Variants in ME3 observed in about 807,000 individuals in gnomAD.
ME3 encodes malic enzyme 3.
In ME3, 48 loss-of-function variants were observed where a neutral mutation model predicts 68.9. That is an observed-to-expected ratio of 0.70 (90% CI 0.55 to 0.89). ME3 has a LOEUF of 0.89. Ranked by LOEUF, ME3 falls within the 40% of genes least tolerant of loss-of-function variation. The probability of loss-of-function intolerance (pLI) is 0.00; values close to 1 mark genes in which losing one functional copy is unlikely to be tolerated. For missense variants in ME3, 675 were observed against 797.4 expected, an observed-to-expected ratio of 0.85 and a Z score of 1.85; for synonymous variants, 320 against 318.8, an observed-to-expected ratio of 1.00 and a Z score of -0.04.
In ME3 at chr11:86,525,862, C is replaced by CA. The variant is rs774590648; in HGVS notation, c.468-16996dup. Among the ~76,000 whole-genome samples the CA allele has an allele frequency of 5.1e-3, 526 of 102,592 alleles. 8 individuals carry two copies. The highest frequency in any genetic ancestry group is 0.045 in the South Asian group (134 of 2,974). The allele number at this position is 102,592 out of a possible 152,430, so 67.3% of individuals were successfully genotyped here. ...GGGCAACAAGGGCAAAACTCTGTCT[C>CA]AAAAAAAAAAAAAAAAAGGAGAGGG... On this transcript the variant is annotated intron_variant, in intron 4 of 14. Coordinates refer to ENST00000543262, the Ensembl canonical transcript of ME3.
chr11:86,556,745 C>A (rs1956950485), intron 3 of ME3, 43 bp from the exon 4 acceptor site: 5 of 1,600,302 alleles, frequency 3.1e-6, no homozygotes, highest in Non-Finnish European at 3.4e-6. Flanking sequence ...GTGGTAGCAG[C>A]AGGCCCTGAT....
intron 2 of ME3, among the ~76,000 whole-genome samples, chr11:86,656,028 G>A (rs2135461429): frequency 1.3e-5 from 2 of 151,518 alleles, no homozygotes; most frequent in South Asian, 2.1e-4. Flanking sequence ...TCAGAGAAAT[G>A]CAAATCAAAA....
chr11:86,504,515 C>T (rs540615377), intron 5 of ME3, among the ~76,000 whole-genome samples: 13 of 151,298 alleles, frequency 8.6e-5, no homozygotes, highest in South Asian at 2.1e-4. Flanking sequence ...CTCAGCCTCC[C>T]GAGAAGCTGG....
At chr11:86,617,045 G>GTTTT (rs563738961) in intron 2 of ME3, among the ~76,000 whole-genome samples, 1,122 of 56,294 alleles carry the variant, frequency 0.02, 207 homozygotes, top group South Asian at 0.041. Flanking sequence ...CAAGATAGTA[G>GTTTT]TTTTTTTTTT....
At chr11:86,473,666 C>T (rs1950903945) in intron 7 of ME3, among the ~76,000 whole-genome samples, 1 of 152,172 alleles carries the variant, frequency 6.6e-6, no homozygotes, top group Non-Finnish European at 1.5e-5. Flanking sequence ...CACAGCACAA[C>T]TCTGCCACAG....
intron 2 of ME3, among the ~76,000 whole-genome samples, chr11:86,581,561 T>C (rs1395723846): frequency 1.3e-5 from 2 of 152,218 alleles, no homozygotes. Flanking sequence ...GTGAAGCAGT[T>C]TGGGTAAAAA....
At chr11:86,446,062 C>G (rs560113500) in intron 13 of ME3, among the ~76,000 whole-genome samples, 1 of 152,170 alleles carries the variant, frequency 6.6e-6, no homozygotes, top group South Asian at 2.1e-4. Flanking sequence ...TGAGGCATGT[C>G]TCCTCCTCTG....
chr11:86,480,303 G>A (rs1276540708), intron 7 of ME3, among the ~76,000 whole-genome samples: 2 of 152,202 alleles, frequency 1.3e-5, no homozygotes, highest in African/African-American at 2.4e-5. Context: ...CAGAGTTTTG[G>A]TTGCAGTACC....
chr11:86,571,481 C>A (rs1957786754), intron 2 of ME3, among the ~76,000 whole-genome samples: 1 of 152,228 alleles, frequency 6.6e-6, no homozygotes. Context: ...TCTGCGCTGT[C>A]CAATGTGGTA....
chr11:86,473,316 C>T (rs1950885684), intron 7 of ME3, among the ~76,000 whole-genome samples: 1 of 152,160 alleles, frequency 6.6e-6, no homozygotes, highest in African/African-American at 2.4e-5. Context: ...TAGAGGATCA[C>T]TGGTGACCTT....
chr11:86,451,243 G>T (rs142048717), intron 8 of ME3, among the ~76,000 whole-genome samples: 1 of 152,196 alleles, frequency 6.6e-6, no homozygotes, highest in Non-Finnish European at 1.5e-5. Context: ...CAGGGACTTG[G>T]AAAGAACAAA....
chr11:86,526,154 C>T (rs538207119), intron 4 of ME3, among the ~76,000 whole-genome samples: 5 of 152,300 alleles, frequency 3.3e-5, no homozygotes, highest in South Asian at 4.1e-4. Context: ...CCTGGAAAAT[C>T]GGGTCACTCC....
At chr11:86,440,876 T>C (rs1256443608), downstream of ME3, among the ~76,000 whole-genome samples, 2 of 152,194 alleles carry the variant, frequency 1.3e-5, no homozygotes, top group African/African-American at 4.8e-5. Flanking sequence ...CTCTCCCTTT[T>C]CTGACTGCCC....
chr11:86,604,979 C>T (rs1453760011), intron 2 of ME3, among the ~76,000 whole-genome samples: 1 of 152,172 alleles, frequency 6.6e-6, no homozygotes, highest in African/African-American at 2.4e-5. Context: ...AAAAGAAATG[C>T]ACCACTCATT....
At chr11:86,476,534 GTTT>G (rs1163166899) in intron 7 of ME3, among the ~76,000 whole-genome samples, 4 of 152,214 alleles carry the variant, frequency 2.6e-5, no homozygotes, top group Non-Finnish European at 5.9e-5. Flanking sequence ...ATGAAAAGAT[GTTT>G]GGTTACTTGA....
At chr11:86,525,361 C>T (rs973778911) in intron 4 of ME3, among the ~76,000 whole-genome samples, 2 of 151,978 alleles carry the variant, frequency 1.3e-5, no homozygotes, top group Non-Finnish European at 2.9e-5. Flanking sequence ...CAAACCACAA[C>T]AGCAAGAGAG....
chr11:86,671,436 G>T (rs984830354), intron 2 of ME3, among the ~76,000 whole-genome samples: 1 of 152,190 alleles, frequency 6.6e-6, no homozygotes, highest in African/African-American at 2.4e-5. Flanking sequence ...TAGGTTAAAT[G>T]AACTGCCCAA....
At chr11:86,671,893 C>A in exon 2 of ME3, 1 of 1,485,766 alleles carries the variant, frequency 6.7e-7, no homozygotes, top group Non-Finnish European at 8.9e-7. Context: ...GCGCCGCAGG[C>A]CCGGCCCGGC....
intron 2 of ME3, among the ~76,000 whole-genome samples, chr11:86,598,048 C>G (rs1959833976): frequency 6.6e-6 from 1 of 152,098 alleles, no homozygotes; most frequent in South Asian, 2.1e-4. Context: ...TCTGCATTTC[C>G]ATCTGAGGTA....
Sources: allele counts gnomAD v4.1 joint callset (sites outside exome capture counted in the v4.1 genomes callset), GRCh38; gene constraint gnomAD v4.1.1; transcripts MANE v1.5; gene names NCBI Gene and HGNC (gene_info 2026-07-23, HGNC 2026-07-21).